Variants in MRPL34 observed in about 807,000 individuals in gnomAD.
The protein encoded by MRPL34 is large ribosomal subunit protein bL34m.
A neutral mutation model predicts 6.7 loss-of-function variants in MRPL34; 8 were observed. That is an observed-to-expected ratio of 1.20 (90% CI 0.70 to 2.16). The LOEUF is 2.16. Among genes scored for constraint, MRPL34 ranks in the 30% most tolerant of loss-of-function variants. The probability of loss-of-function intolerance (pLI) is 0.00; values close to 1 mark genes in which losing one functional copy is unlikely to be tolerated. For synonymous variants in MRPL34, 59 were observed against 55.1 expected, an observed-to-expected ratio of 1.07 and a Z score of -0.31; for missense variants, 146 against 125.5, an observed-to-expected ratio of 1.16 and a Z score of -0.78.
chr19:17,295,738 G>A (rs760275926), intron 1 of MRPL34, among the ~76,000 whole-genome samples: 58 of 152,178 alleles, frequency 3.8e-4, no homozygotes, highest in Non-Finnish European at 2.2e-4. Context: ...ACAAGGTTTC[G>A]CTGTCGCCTA....
chr19:17,299,803 T>C (rs1157806752), upstream of MRPL34, among the ~76,000 whole-genome samples: 1 of 152,100 alleles, frequency 6.6e-6, no homozygotes, highest in Non-Finnish European at 1.5e-5. Context: ...CTTTGTTTTG[T>C]TTTAGGAGAT....
At chr19:17,299,244 C>CA (rs1555720809), upstream of MRPL34, among the ~76,000 whole-genome samples, 7 of 148,166 alleles carry the variant, frequency 4.7e-5, 1 homozygote, top group South Asian at 4.4e-4. Flanking sequence ...ACCCCCCCCC[C>CA]ATTCTCTATA....
upstream of MRPL34, among the ~76,000 whole-genome samples, chr19:17,303,806 A>T (rs2074133247): frequency 6.6e-6 from 1 of 152,154 alleles, no homozygotes; most frequent in South Asian, 2.1e-4. Flanking sequence ...TTCTAGAAGC[A>T]GAGACTCCAA....
In MRPL34 at chr19:17,294,474, C is replaced by T. The variant is rs781423967; in HGVS notation, c.214+1620C>T. 1.4e-5 allele frequency: 22 copies of T among 1,614,040 alleles called. No homozygotes were observed. In the South Asian group the frequency reaches 2.2e-4, roughly 16 times the overall value. ...CGTTGCCCTCCTTTAACAGCTGCTT[C>T]TCCTTGGCTCCTTGGCGGGCGAAGC... On this transcript the variant is annotated intron_variant, in intron 1 of 2. Transcript: ENST00000595444.
chr19:17,299,358 G>A (rs192832739), upstream of MRPL34, among the ~76,000 whole-genome samples: 428 of 151,618 alleles, frequency 2.8e-3, 1 homozygote, highest in Middle Eastern at 6.8e-3. Flanking sequence ...TCAGGAGATC[G>A]AGACCATCCT....
exon 1 of MRPL34, chr19:17,292,805 G>C: frequency 1.2e-6 from 2 of 1,612,890 alleles, no homozygotes; most frequent in South Asian, 2.2e-5. Context: ...CCTCGTCGAT[G>C]AGCTTCAGGA....
upstream of MRPL34, among the ~76,000 whole-genome samples, chr19:17,302,661 C>G (rs2074126034): frequency 6.6e-6 from 1 of 152,238 alleles, no homozygotes; most frequent in Non-Finnish European, 1.5e-5. Context: ...AGACTCTGAA[C>G]TTCCTCCTTG....
Position 17,305,900 on chromosome 19 carries a change from TC to T in MRPL34, c.9del (p.Leu4TrpfsTer67). The T allele has an allele frequency of 6.2e-7, 1 of 1,612,812 alleles. No homozygotes were observed. Among genetic ancestry groups the T allele is most frequent in the Non-Finnish European group, 8.5e-7 (1 of 1,179,818 alleles). On this transcript the variant is annotated frameshift_variant, in exon 1 of 2. Transcript: ENST00000252602. LOFTEE classifies it high-confidence loss of function. MA[V>X]LAGSLLGPTS... ...GCGGGACCCACTGCGGATATGGCTG[TC>T]TTGGCTGGATCCCTGTTGGGCCCCA... is the stretch of plus-strand genomic sequence containing the variant.
chr19:17,305,704 T>C (rs1176951871), upstream of MRPL34: 7 of 664,520 alleles, frequency 1.1e-5, no homozygotes, highest in Non-Finnish European at 1.9e-5. Flanking sequence ...AGCATCCCTG[T>C]GCCCCGCGGA....
upstream of MRPL34, among the ~76,000 whole-genome samples, chr19:17,300,519 C>T (rs966585534): frequency 1.3e-5 from 2 of 152,068 alleles, no homozygotes; most frequent in African/African-American, 4.8e-5. Context: ...CCTCTGTCGC[C>T]CAGGCTGGAG....
upstream of MRPL34, among the ~76,000 whole-genome samples, chr19:17,300,701 C>T (rs757058298): frequency 1.3e-5 from 2 of 152,076 alleles, no homozygotes; most frequent in Non-Finnish European, 2.9e-5. Context: ...TGTTCCCGAA[C>T]TCCCAACCTC....
At position 17,294,214 on chromosome 19, in the gene MRPL34, C is replaced by T. The variant is rs565854431; in HGVS notation, c.214+1360C>T. Reference sequence around the variant, plus strand: ...CGCCCACCAAGCGCTACCACGCCCCCCGCAGAGGCCACGCCCCTCCCGGGC... The same window carrying T: ...CGCCCACCAAGCGCTACCACGCCCCTCGCAGAGGCCACGCCCCTCCCGGGC... On this transcript the variant is annotated intron_variant, in intron 1 of 2. Transcript: ENST00000595444. 1.5e-5 allele frequency: 23 copies of T among 1,522,710 alleles called. No homozygotes were observed. In the East Asian group the frequency reaches 5.0e-4, roughly 33 times the overall value. 94.3% of individuals were successfully genotyped at this position (1,522,710 alleles called of 1,614,324 possible).
upstream of MRPL34, chr19:17,298,054 A>G (rs1469828288): frequency 4.6e-5 from 7 of 151,642 alleles, no homozygotes; most frequent in African/African-American, 1.7e-4. Context: ...AGCTGGGACT[A>G]CAGGCGCCTG....
In MRPL34 at chr19:17,306,243, C is replaced by A; in HGVS notation, c.143C>A (p.Ala48Asp). The change falls in exon 2 of 2, where the codon GCT becomes GAT. Residue 48 changes from alanine (A) to aspartate (D), a missense_variant. By Grantham distance (126) the Ala-to-Asp change is moderately radical (BLOSUM62 -2). Coordinates refer to ENST00000252602, the MANE Select transcript of MRPL34 (RefSeq NM_023937.4). ...LPTPQQARGK[A>D]RGNEYQPSNI... ...ACCCCGCAGCAGGCCCGGGGCAAGG[C>A]TCGCGGGAATGAGTATCAGCCGAGC... 1 of 1,584,826 alleles carries A rather than the reference C, an allele frequency of 6.3e-7. No individual in the cohort carries two copies. The highest frequency in any genetic ancestry group is 8.6e-7 in the Non-Finnish European group (1 of 1,166,170).
upstream of MRPL34, chr19:17,303,297 C>A (rs1038513339): frequency 2.0e-5 from 3 of 152,324 alleles, no homozygotes; most frequent in Non-Finnish European, 4.4e-5. Context: ...GCGGAGAAGC[C>A]AGCGTCCGCC....
At chr19:17,294,764 C>T (rs777500896) in intron 1 of MRPL34, 6 of 1,614,028 alleles carry the variant, frequency 3.7e-6, no homozygotes, top group Non-Finnish European at 5.1e-6. Flanking sequence ...GCTCCAGCGC[C>T]GTAGGGCCCC....
In MRPL34 at chr19:17,306,632, C is replaced by T; in HGVS notation, c.*253C>T. The T allele has an allele frequency of 2.7e-6, 1 of 365,704 alleles. No homozygotes were observed. The highest frequency in any genetic ancestry group is 4.9e-6 in the Non-Finnish European group (1 of 203,454). The allele number at this position is 365,704 out of a possible 1,614,324, so 22.7% of individuals were successfully genotyped here. On this transcript the variant is annotated 3_prime_UTR_variant, in exon 2 of 2. Coordinates refer to ENST00000252602, the MANE Select transcript of MRPL34 (RefSeq NM_023937.4). ...ATCCGTGTACCCAGTACCCTGACTA[C>T]CGACTACCTACAACCCGTCCCTGCC...
chr19:17,301,663 A>C (rs2074119813), upstream of MRPL34: 1 of 1,504,448 alleles, frequency 6.6e-7, no homozygotes, highest in African/African-American at 1.4e-5. Context: ...GTGCTGTCTC[A>C]ATGAGAACCC....
At chr19:17,301,598 C>G (rs759068394), upstream of MRPL34, 3 of 1,553,998 alleles carry the variant, frequency 1.9e-6, no homozygotes, top group Admixed American at 1.8e-5. Flanking sequence ...AAGATACCGT[C>G]GGTCACCCCG....
Sources: gnomAD v4.1 joint callset for allele counts (sites outside exome capture counted in the v4.1 genomes callset) on GRCh38, gnomAD v4.1.1 for gene constraint, MANE v1.5 for transcripts, NCBI Gene and HGNC (gene_info 2026-07-23, HGNC 2026-07-21) for gene names.